The following ABLIM1 variants were observed in gnomAD, a reference collection of about 807,000 sequenced individuals.
ABLIM1 encodes actin binding LIM protein 1.
Under a neutral mutation model 107.0 loss-of-function variants are expected in ABLIM1, and 40 were observed. The observed-to-expected ratio is 0.37, with a 90% CI of 0.29 to 0.49. The LOEUF (loss-of-function observed/expected upper bound fraction) is 0.49. ABLIM1 is among the 20% of genes least tolerant of loss of function. The pLI, the probability that ABLIM1 is intolerant of heterozygous loss-of-function variation, is 0.97. For missense variants in ABLIM1, 857 were observed against 1,008.5 expected (o/e 0.85, Z 2.04); for synonymous variants, 357 against 357.3 (o/e 1.00, Z 0.01).
chr10:114,486,844 G>T (rs2058263962), intron 8 of ABLIM1, among the ~76,000 whole-genome samples: 1 of 152,146 alleles, frequency 6.6e-6, no homozygotes, highest in Non-Finnish European at 1.5e-5. Flanking sequence ...TCTGATTGAT[G>T]GATGCGAATT....
chr10:114,697,571 C>G (rs894183051), intron 1 of ABLIM1, among the ~76,000 whole-genome samples: 1 of 152,234 alleles, frequency 6.6e-6, no homozygotes, highest in Non-Finnish European at 1.5e-5. Context: ...TCACTTCACA[C>G]AGGGTGTGTG....
In ABLIM1 at chr10:114,497,681, C is replaced by CAAAA. The variant is rs576676119; in HGVS notation, c.895-5807_895-5804dup. Among the ~76,000 whole-genome samples the CAAAA allele has an allele frequency of 4.6e-3, 348 of 75,536 alleles. 7 individuals are homozygous for CAAAA. The highest frequency in any genetic ancestry group is 0.016 in the African/African-American group (325 of 19,714). 49.6% of individuals were successfully genotyped at this position (75,536 alleles called of 152,430 possible). A position where few individuals can be genotyped will look rare whatever the true frequency, so the allele number is the denominator to read the frequency against. ...TGGGCAACAGAGCCGGATTCTGTCT[C>CAAAA]AAAAAAAAAAAAAAAAAAAAAAAAA... On this transcript the variant is annotated intron_variant, in intron 6 of 22. Transcript: ENST00000533213.
At chr10:114,564,568 G>A (rs1436919406) in intron 4 of ABLIM1, among the ~76,000 whole-genome samples, 1 of 151,988 alleles carries the variant, frequency 6.6e-6, no homozygotes, top group African/African-American at 2.4e-5. Context: ...ACTGCGCCCA[G>A]CATCCTACAT....
Position 114,453,521 on chromosome 10 carries a change from G to A in ABLIM1, c.1442-38C>T, listed in dbSNP as rs527707963. ...GAATGGAAAAAACAAAATGAGAGAA[G>A]GGAGAGAGAAACAAAGAAAACAAAG... On this transcript the variant is annotated intron_variant, in intron 12 of 22. Coordinates refer to ENST00000533213, the MANE Select transcript of ABLIM1 (RefSeq NM_002313.7). The A allele has an allele frequency of 7.1e-5, 102 of 1,427,280 alleles. No individual in the cohort carries two copies. The South Asian group carries it at 1.1e-3, about 16-fold the overall frequency. The allele number at this position is 1,427,280 out of a possible 1,614,324, so 88.4% of individuals were successfully genotyped here.
intron 2 of ABLIM1, among the ~76,000 whole-genome samples, chr10:114,600,349 C>T (rs933442517): frequency 7.2e-5 from 11 of 152,144 alleles, no homozygotes; most frequent in African/African-American, 2.4e-4. Flanking sequence ...GCATTTGTAA[C>T]GCTTGTCATG....
chr10:114,723,978 T>C (rs528124287), intron 1 of ABLIM1, among the ~76,000 whole-genome samples: 2 of 152,306 alleles, frequency 1.3e-5, no homozygotes, highest in South Asian at 4.1e-4. Context: ...GGTTCCTTCA[T>C]TGGTGGAGTA....
At chr10:114,651,777 A>G (rs1390019217) in intron 1 of ABLIM1, among the ~76,000 whole-genome samples, 1 of 152,226 alleles carries the variant, frequency 6.6e-6, no homozygotes, top group Non-Finnish European at 1.5e-5. Flanking sequence ...TGTAGAAGTA[A>G]CTGGCCACCA....
rs2073179874 is a variant in ABLIM1 at position 114,580,180 on chromosome 10, T to A, written c.380-4581A>T. ...TTGAATGCCTTTATAACCCACTCCT[T>A]TATTTTAATATTATATATTATATAT... On this transcript the variant is annotated intron_variant, in intron 2 of 22. Coordinates refer to ENST00000533213, the MANE Select transcript of ABLIM1 (RefSeq NM_002313.7). Among the ~76,000 whole-genome samples the A allele has an allele frequency of 2.0e-5, 3 of 147,716 alleles. No homozygotes were observed. The South Asian group carries it at 6.4e-4, about 31-fold the overall frequency.
At chr10:114,668,606 A>G (rs2080123146) in intron 1 of ABLIM1, among the ~76,000 whole-genome samples, 1 of 152,210 alleles carries the variant, frequency 6.6e-6, no homozygotes, top group Non-Finnish European at 1.5e-5. Flanking sequence ...ATAGGTAGCT[A>G]GGACTACAGG....
intron 4 of ABLIM1, among the ~76,000 whole-genome samples, chr10:114,555,617 T>C (rs2068629823): frequency 6.6e-6 from 1 of 152,124 alleles, no homozygotes; most frequent in Non-Finnish European, 1.5e-5. Flanking sequence ...ATGTAAATCA[T>C]TACATTAAAA....
chr10:114,580,817 A>C (rs566603813), intron 2 of ABLIM1, among the ~76,000 whole-genome samples: 25 of 152,312 alleles, frequency 1.6e-4, no homozygotes, highest in Non-Finnish European at 3.2e-4. Flanking sequence ...AGTAAAGTCA[A>C]ACTTCAGTAG....
chr10:114,764,707 C>T (rs1176323943), intron 1 of ABLIM1: 3 of 152,194 alleles, frequency 2.0e-5, no homozygotes, highest in Non-Finnish European at 4.4e-5. Context: ...TAAAAAAATA[C>T]AAGCAAGTTA....
At chr10:114,551,810 C>A (rs988760857) in intron 4 of ABLIM1, among the ~76,000 whole-genome samples, 2 of 152,154 alleles carry the variant, frequency 1.3e-5, no homozygotes, top group South Asian at 2.1e-4. Flanking sequence ...TTAGTTTTCA[C>A]AATCATTCTA....
Position 114,437,963 on chromosome 10 carries a change from T to C in ABLIM1, c.2143-39A>G, listed in dbSNP as rs927736771. 9.6e-6 allele frequency: 15 copies of C among 1,566,640 alleles called. No individual in the cohort carries two copies. In the African/African-American group the frequency reaches 1.9e-4, roughly 20 times the overall value. Reference sequence around the variant, plus strand: ...AAACACCTCTTCTAGAACACCACAGTCCATTTTATTAACAAGCAGAATCCA... The same window carrying C: ...AAACACCTCTTCTAGAACACCACAGCCCATTTTATTAACAAGCAGAATCCA... On this transcript the variant is annotated intron_variant, in intron 21 of 22. Transcript: ENST00000533213.
the ABLIM1 span, among the ~76,000 whole-genome samples, chr10:114,797,381 C>G: frequency 6.6e-6 from 1 of 152,206 alleles, no homozygotes; most frequent in Non-Finnish European, 1.5e-5. Context: ...CCAAAGGTTG[C>G]TGGAGAAAAT....
intron 1 of ABLIM1, among the ~76,000 whole-genome samples, chr10:114,765,196 G>A (rs1223936987): frequency 4.0e-5 from 6 of 151,846 alleles, no homozygotes; most frequent in South Asian, 4.2e-4. Context: ...ACAGGCATGC[G>A]CCACCATGCC....
chr10:114,718,064 A>G (rs2081733902), intron 1 of ABLIM1, among the ~76,000 whole-genome samples: 1 of 99,968 alleles, frequency 1.0e-5, no homozygotes, highest in Non-Finnish European at 2.3e-5. Flanking sequence ...AAAGAAAGAA[A>G]GGAAGAAAGG....
intron 2 of ABLIM1, among the ~76,000 whole-genome samples, chr10:114,600,473 G>A (rs2075870270): frequency 6.6e-6 from 1 of 152,132 alleles, no homozygotes; most frequent in East Asian, 1.9e-4. Context: ...TACTCTCAGT[G>A]TAAGGAACAG....
intron 12 of ABLIM1, among the ~76,000 whole-genome samples, chr10:114,462,075 G>A (rs1404055375): frequency 2.6e-5 from 4 of 152,176 alleles, no homozygotes; most frequent in Admixed American, 1.3e-4. Flanking sequence ...GGATTCAGCC[G>A]CTCAACAACC....
Sources: allele counts gnomAD v4.1 joint callset (sites outside exome capture counted in the v4.1 genomes callset), GRCh38; gene constraint gnomAD v4.1.1; transcripts MANE v1.5; gene names NCBI Gene and HGNC (gene_info 2026-07-23, HGNC 2026-07-21).